ACP6: variants seen among roughly 807,000 people sequenced by gnomAD.
ACP6 encodes acid phosphatase 6, lysophosphatidic.
Under a neutral mutation model 48.1 loss-of-function variants are expected in ACP6, and 48 were observed. That is an observed-to-expected ratio of 1.00 (90% CI 0.79 to 1.27). The LOEUF is 1.27. Among genes scored for constraint, ACP6 ranks in the 50% most tolerant of loss-of-function variants. The pLI is 0.00. For missense variants in ACP6, 485 were observed against 529.1 expected (o/e 0.92, Z 0.82); for synonymous variants, 172 against 204.2 (o/e 0.84, Z 1.34).
intron 8 of ACP6, 144 bp downstream of exon 8, chr1:147,649,999 T>C: frequency 1.6e-6 from 1 of 628,330 alleles, no homozygotes; most frequent in East Asian, 3.3e-5. Context: ...ATTGTGAACC[T>C]CTTTGACACT....
chr1:147,668,150 T>C (rs1341315516), intron 1 of ACP6, among the ~76,000 whole-genome samples: 1 of 152,122 alleles, frequency 6.6e-6, no homozygotes, highest in African/African-American at 2.4e-5. Context: ...AACTTTATAC[T>C]AGAGAGCCGA....
Position 147,648,410 on chromosome 1 carries a change from T to G in ACP6, c.979A>C (p.Lys327Gln). The change falls in exon 9 of 10, where the codon AAG becomes CAG. Residue 327 changes from lysine to glutamine, a missense_variant and splice_region_variant. Physicochemically the swap from Lys to Gln is moderately conservative, Grantham distance 53. Transcript: ENST00000583509. ...TCATGAGCCGCATAGAGATACAGCT[T>G]TCTGCAAGAGGAAACAGCTCTCCAC... is the stretch of plus-strand genomic sequence containing the variant. ...DSATAPDKIR[K>Q]LYLYAAHDVT... 1 of 1,614,102 alleles carries G rather than the reference T, an allele frequency of 6.2e-7. No homozygotes were observed. The highest frequency in any genetic ancestry group is 8.5e-7 in the Non-Finnish European group (1 of 1,179,982).
At chr1:147,642,105 G>GAAAT (rs35893092), downstream of ACP6, 1 of 152,208 alleles carries the variant, frequency 6.6e-6, no homozygotes, top group African/African-American at 2.4e-5. Context: ...GCGTTGCAAG[G>GAAAT]AAATAAATAC....
At position 147,644,963 on chromosome 1, in the gene ACP6, T is replaced by C. The variant is rs998879060; in HGVS notation, c.*2460A>G. On this transcript the variant is annotated 3_prime_UTR_variant, in exon 10 of 10. Transcript: ENST00000583509. ...ATAAATTTAGGAGACATTGTGTAAA[T>C]ATTTAAAACTGGAAATTCTTTTTTT... 13 of 149,250 alleles carry C rather than the reference T, an allele frequency of 8.7e-5. No homozygotes were observed. Among genetic ancestry groups the C allele is most frequent in the Middle Eastern group, 6.8e-3 (2 of 292 alleles). 9.2% of individuals were successfully genotyped at this position (149,250 alleles called of 1,614,324 possible). A position where few individuals can be genotyped will look rare whatever the true frequency, so the allele number is the denominator to read the frequency against.
chr1:147,658,883 A>G lies in ACP6; in HGVS notation c.559+77T>C, dbSNP rs1016723451. 9.4e-6 allele frequency: 13 copies of G among 1,388,060 alleles called. No homozygotes were observed. The Admixed American group carries it at 2.0e-4, about 21-fold the overall frequency. The allele number at this position is 1,388,060 out of a possible 1,614,324, so 86.0% of individuals were successfully genotyped here. ...AAAAAAGTCAAGGGAACAGGCACCA[A>G]GAAAGAGATAGGGGCTTCGGAAGTG... On this transcript the variant is annotated intron_variant, in intron 4 of 9. Coordinates refer to ENST00000583509, the MANE Select transcript of ACP6 (RefSeq NM_016361.5).
At chr1:147,665,106 T>G (rs3766507) in intron 1 of ACP6, among the ~76,000 whole-genome samples, 1 of 152,090 alleles carries the variant, frequency 6.6e-6, no homozygotes, top group East Asian at 1.9e-4. Context: ...TAGATTTGTA[T>G]GTATAAAGGC....
chr1:147,667,912 C>T (rs1660881662), intron 1 of ACP6, among the ~76,000 whole-genome samples: 1 of 152,026 alleles, frequency 6.6e-6, no homozygotes, highest in Admixed American at 6.6e-5. Context: ...ATTGCTTAAA[C>T]CCGAGAGGCG....
intron 5 of ACP6, among the ~76,000 whole-genome samples, chr1:147,635,759 T>G (rs1482737431): frequency 6.6e-6 from 1 of 152,066 alleles, no homozygotes; most frequent in African/African-American, 2.4e-5. Context: ...AGTGAGAGAA[T>G]AGAGAGCCAA....
intron 1 of ACP6, among the ~76,000 whole-genome samples, chr1:147,664,507 C>T (rs905511482): frequency 1.3e-5 from 2 of 152,198 alleles, no homozygotes; most frequent in Non-Finnish European, 2.9e-5. Flanking sequence ...TTCACAGTAG[C>T]TTCAGTGGCT....
intron 1 of ACP6, among the ~76,000 whole-genome samples, chr1:147,660,829 T>G (rs1660511091): frequency 6.6e-6 from 1 of 152,260 alleles, no homozygotes; most frequent in Non-Finnish European, 1.5e-5. Flanking sequence ...CATATATATT[T>G]ACATTTGATA....
intron 5 of ACP6, among the ~76,000 whole-genome samples, chr1:147,654,785 C>T (rs1660153264): frequency 6.6e-6 from 1 of 152,136 alleles, no homozygotes; most frequent in Non-Finnish European, 1.5e-5. Flanking sequence ...CTGGATTTGC[C>T]GGTTAAAGAC....
intron 5 of ACP6, among the ~76,000 whole-genome samples, chr1:147,634,664 T>C (rs183722022): frequency 6.6e-6 from 1 of 152,326 alleles, no homozygotes. Context: ...TTCTACCTCT[T>C]ATCATCCAGC....
At chr1:147,649,318 G>A (rs1553210103) in intron 8 of ACP6, among the ~76,000 whole-genome samples, 1 of 152,146 alleles carries the variant, frequency 6.6e-6, no homozygotes, top group Admixed American at 6.5e-5. Flanking sequence ...GAGTTCTTGG[G>A]CAACGGTGAA....
At chr1:147,656,177 T>G (rs1401246287) in intron 4 of ACP6, among the ~76,000 whole-genome samples, 3 of 152,212 alleles carry the variant, frequency 2.0e-5, no homozygotes, top group Non-Finnish European at 2.9e-5. Flanking sequence ...ATCGTTGGTC[T>G]GGACAGAAGA....
intron 5 of ACP6, among the ~76,000 whole-genome samples, chr1:147,635,423 C>T (rs1226410478): frequency 6.6e-6 from 1 of 152,234 alleles, no homozygotes; most frequent in African/African-American, 2.4e-5. Context: ...TTTTCTCTCT[C>T]TCCTCTATTA....
intron 1 of ACP6, among the ~76,000 whole-genome samples, chr1:147,665,982 A>C (rs1660776144): frequency 6.6e-6 from 1 of 152,230 alleles, no homozygotes; most frequent in Non-Finnish European, 1.5e-5. Flanking sequence ...ATATAGCAAA[A>C]ATTAAAATAT....
intron 1 of ACP6, among the ~76,000 whole-genome samples, chr1:147,668,106 A>G (rs957460411): frequency 4.6e-5 from 7 of 152,238 alleles, no homozygotes; most frequent in Admixed American, 4.6e-4. Context: ...CTAAATTGAA[A>G]GAGAGTTGGT....
In ACP6 at chr1:147,648,271, A is replaced by C; in HGVS notation, c.1118T>G (p.Phe373Cys). The C allele has an allele frequency of 6.2e-7, 1 of 1,614,138 alleles. No homozygotes were observed. Among genetic ancestry groups the C allele is most frequent in the Non-Finnish European group, 8.5e-7 (1 of 1,180,030 alleles). The change falls in exon 9 of 10, where the codon TTT (phenylalanine) becomes TGT (cysteine). Residue 373 changes from phenylalanine (F) to cysteine (C), a missense_variant. Physicochemically the swap from Phe to Cys is radical, Grantham distance 205. Transcript: ENST00000583509. ...CTTCCCGTGGTAATAGAGCTGCACA[A>C]ACCACTCCTTAGATTCCAGGTGCTG... ...LYQHLESKEW[F>C]VQLYYHGKEQ...
intron 3 of ACP6, 167 bp from the exon 4 acceptor site, chr1:147,659,206 C>T (rs1660405146): frequency 5.8e-6 from 6 of 1,040,942 alleles, no homozygotes; most frequent in Middle Eastern, 3.1e-4. Flanking sequence ...CTGAGAGACT[C>T]GAAGTGCAAT....
Sources: gnomAD v4.1 joint callset for allele counts (sites outside exome capture counted in the v4.1 genomes callset) on GRCh38, gnomAD v4.1.1 for gene constraint, MANE v1.5 for transcripts, NCBI Gene and HGNC (gene_info 2026-07-23, HGNC 2026-07-21) for gene names.